The following IGLL1 variants were observed in gnomAD, a reference collection of about 807,000 sequenced individuals.
IGLL1 encodes immunoglobulin lambda-like polypeptide 1.
IGLL1 carries 10 observed loss-of-function variants against 10.5 expected under a neutral mutation model. That is an observed-to-expected ratio of 0.95 (90% CI 0.59 to 1.62). The LOEUF is 1.62. IGLL1 is among the 40% of genes most tolerant of loss of function. The probability of loss-of-function intolerance (pLI) is 0.00; values close to 1 mark genes in which losing one functional copy is unlikely to be tolerated. For missense variants in IGLL1, 284 were observed against 278.7 expected (o/e 1.02, Z -0.14); for synonymous variants, 141 against 122.7 (o/e 1.15, Z -0.99).
At chr22:23,579,456 C>T (rs1925225216) in intron 1 of IGLL1, among the ~76,000 whole-genome samples, 1 of 152,088 alleles carries the variant, frequency 6.6e-6, no homozygotes. Context: ...TTTCAGGAGG[C>T]GATGCTGGCT....
chr22:23,576,427 C>T (rs896034883), intron 1 of IGLL1, among the ~76,000 whole-genome samples: 3 of 149,584 alleles, frequency 2.0e-5, no homozygotes, highest in African/African-American at 7.4e-5. Context: ...TATGTACAGT[C>T]CCATTTCCTT....
At chr22:23,574,939 G>T (rs1924980913) in intron 2 of IGLL1, 28 bp downstream of exon 2, 1 of 1,450,816 alleles carries the variant, frequency 6.9e-7, no homozygotes, top group Non-Finnish European at 9.7e-7. Flanking sequence ...GAGAGGGTGG[G>T]ACAGCCTGGG....
intron 1 of IGLL1, among the ~76,000 whole-genome samples, chr22:23,578,677 C>G (rs150163881): frequency 1.3e-5 from 2 of 152,064 alleles, no homozygotes; most frequent in South Asian, 2.1e-4. Flanking sequence ...AACTCAGGCC[C>G]GGTGTGGTGT....
At chr22:23,578,382 G>A (rs546859811) in intron 1 of IGLL1, among the ~76,000 whole-genome samples, 2 of 152,182 alleles carry the variant, frequency 1.3e-5, no homozygotes, top group South Asian at 2.1e-4. Context: ...CCCGGCCCCC[G>A]CTCCTTGTGG....
intron 1 of IGLL1, among the ~76,000 whole-genome samples, chr22:23,577,426 ACAAC>A (rs1164891997): frequency 6.6e-6 from 1 of 152,150 alleles, no homozygotes; most frequent in Non-Finnish European, 1.5e-5. Context: ...AAAGTGATAC[ACAAC>A]CTATTTCTTA....
rs1427055525 is a variant in IGLL1, at chr22:23,580,071, G to A, written c.120C>T (p.Arg40=). The A allele has an allele frequency of 6.4e-7, 1 of 1,572,824 alleles. No individual in the cohort carries two copies. The highest frequency in any genetic ancestry group is 1.2e-5 in the South Asian group (1 of 85,952). ...CCCTGCTCTGCGATGCAGCTGTTGGGCGCAGCAGGCCATGGGTTACCACGG... is the reference window on the plus strand; with the variant it reads ...CCCTGCTCTGCGATGCAGCTGTTGGACGCAGCAGGCCATGGGTTACCACGG... ...GLAVVTHGLL[R]PTAASQSRAL... Residue 40 remains arginine (R), a synonymous_variant, in exon 1 of 3, where the codon CGC becomes CGT. Transcript: ENST00000330377.
At chr22:23,579,812 A>C (rs1412725300) in intron 1 of IGLL1, among the ~76,000 whole-genome samples, 173 bp downstream of exon 1, 1 of 152,196 alleles carries the variant, frequency 6.6e-6, no homozygotes, top group East Asian at 1.9e-4. Flanking sequence ...TTAAGCAATA[A>C]AAATTAATTC....
chr22:23,578,375 G>A (rs561681581), intron 1 of IGLL1, among the ~76,000 whole-genome samples: 178 of 152,138 alleles, frequency 1.2e-3, no homozygotes, highest in Non-Finnish European at 1.9e-3. Context: ...CTCCTCACCC[G>A]GCCCCCGCTC....
At chr22:23,575,947 A>C (rs62240500) in intron 1 of IGLL1, among the ~76,000 whole-genome samples, 2,514 of 150,894 alleles carry the variant, frequency 0.017, 31 homozygotes, top group South Asian at 0.044. Context: ...GACTCCCCAG[A>C]CCCCACCCAG....
chr22:23,576,142 A>G (rs1246081290), intron 1 of IGLL1, among the ~76,000 whole-genome samples: 2 of 152,072 alleles, frequency 1.3e-5, no homozygotes, highest in African/African-American at 4.8e-5. Context: ...CCCCCAGCCC[A>G]GCTCATTTTC....
At position 23,575,053 on chromosome 22, in the gene IGLL1, C is replaced by T. The variant is rs1330350014; in HGVS notation, c.236G>A (p.Gly79Asp). 1.9e-6 allele frequency: 3 copies of T among 1,613,866 alleles called. No individual in the cohort carries two copies. Among genetic ancestry groups the T allele is most frequent in the Non-Finnish European group, 2.5e-6 (3 of 1,179,878 alleles). Reference sequence around the variant, plus strand: ...AAACCCCCGGGGCCAGCACCTGGGGCCAGTCCAGGAGCCGCGCTGGAGCAG... The same window carrying T: ...AAACCCCCGGGGCCAGCACCTGGGGTCAGTCCAGGAGCCGCGCTGGAGCAG... ...RFLLQRGSWT[G>D]PRCWPRGFQS... The change falls in exon 2 of 3, where the codon GGC (glycine) becomes GAC (aspartate). Residue 79 changes from glycine to aspartate, a missense_variant. Physicochemically the swap from Gly to Asp is moderately conservative, Grantham distance 94 (BLOSUM62 -1). Transcript: ENST00000330377.
Position 23,573,184 on chromosome 22 carries a change from G to A in IGLL1, c.*82C>T, listed in dbSNP as rs182997692. On this transcript the variant is annotated 3_prime_UTR_variant, in exon 3 of 3. Transcript: ENST00000330377. Reference sequence around the variant, plus strand: ...TTACTGGGTACAGGGAGAAGGGCTGGATGGCTTGGGATGCAGAGAGAGACC... The same window carrying A: ...TTACTGGGTACAGGGAGAAGGGCTGAATGGCTTGGGATGCAGAGAGAGACC... 14,108 of 1,329,688 alleles carry A rather than the reference G, an allele frequency of 0.011. 114 individuals are homozygous for A. Among genetic ancestry groups the A allele is most frequent in the Non-Finnish European group, 0.013 (11,939 of 924,050 alleles). The allele number at this position is 1,329,688 out of a possible 1,614,324, so 82.4% of individuals were successfully genotyped here.
chr22:23,574,259 G>T (rs1302532183), intron 2 of IGLL1, among the ~76,000 whole-genome samples: 1 of 152,138 alleles, frequency 6.6e-6, no homozygotes, highest in Non-Finnish European at 1.5e-5. Flanking sequence ...CTCCCCGCTA[G>T]TCACCTTCTG....
rs761551186 is a variant in IGLL1 at position 23,573,363 on chromosome 22, G to A, written c.545C>T (p.Thr182Met). ...KYAASSYLSL[T>M]PEQWRSRRSY... Reference sequence around the variant, plus strand: ...TCTGCGGGACCTCCACTGCTCGGGCGTCAGGCTCAGGTAGCTGCTGGCCGC... The same window carrying A: ...TCTGCGGGACCTCCACTGCTCGGGCATCAGGCTCAGGTAGCTGCTGGCCGC... The change falls in exon 3 of 3, where the codon ACG (threonine) becomes ATG (methionine). Residue 182 changes from threonine (T) to methionine (M), a missense_variant. Thr to Met is a moderately conservative substitution (Grantham distance 81, BLOSUM62 -1). Coordinates refer to ENST00000330377, the MANE Select transcript of IGLL1 (RefSeq NM_020070.4). The A allele has an allele frequency of 2.8e-5, 45 of 1,614,000 alleles. No homozygotes were observed. Among genetic ancestry groups the A allele is most frequent in the Admixed American group, 2.2e-4 (13 of 60,000 alleles).
Position 23,573,547 on chromosome 22 carries a change from G to A in IGLL1, c.361C>T (p.Pro121Ser). 2 of 1,613,918 alleles carry A rather than the reference G, an allele frequency of 1.2e-6. No homozygotes were observed. The highest frequency in any genetic ancestry group is 1.7e-6 in the Non-Finnish European group (2 of 1,179,838). Residue 121 changes from proline to serine, a missense_variant, in exon 3 of 3, where the codon CCG (proline) becomes TCG (serine). Pro to Ser is a moderately conservative substitution (Grantham distance 74, BLOSUM62 -1). Transcript: ENST00000330377. ...TTGGCTTGGAGCTCCTCAGAGGACG[G>A]CGGGAACAGAGTGACCGAGGGGGTG... ...KATPSVTLFP[P>S]SSEELQANKA...
chr22:23,577,433 A>G (rs1191117068), intron 1 of IGLL1, among the ~76,000 whole-genome samples: 2 of 151,862 alleles, frequency 1.3e-5, no homozygotes, highest in Non-Finnish European at 2.9e-5. Context: ...TACACAACCT[A>G]TTTCTTAAAA....
chr22:23,574,283 C>G (rs1270516646), intron 2 of IGLL1, among the ~76,000 whole-genome samples: 5 of 152,186 alleles, frequency 3.3e-5, no homozygotes, highest in Non-Finnish European at 5.9e-5. Flanking sequence ...CTAAGGTGCC[C>G]TTCCTCAAAT....
chr22:23,576,183 G>A (rs905581614), intron 1 of IGLL1, among the ~76,000 whole-genome samples: 31 of 151,812 alleles, frequency 2.0e-4, no homozygotes, highest in Admixed American at 3.3e-4. Flanking sequence ...GACCATGGGC[G>A]GTCTCAACCC....
chr22:23,578,561 C>T lies in IGLL1; in HGVS notation c.206+1424G>A, dbSNP rs190594431. The stretch of plus-strand genomic sequence containing the variant: ...GCCGGGCTCCTGGTGTGGGTCAGGT[C>T]GGCTGCCACTGCTGGAGCTCTCACC... On this transcript the variant is annotated intron_variant, in intron 1 of 2. Transcript: ENST00000330377. 2.4e-3 allele frequency among the ~76,000 whole-genome samples: 364 copies of T among 152,302 alleles called. 1 individual carries two copies. Among genetic ancestry groups the T allele is most frequent in the Non-Finnish European group, 3.6e-3 (242 of 68,022 alleles).
Sources: gnomAD v4.1 joint callset for allele counts (sites outside exome capture counted in the v4.1 genomes callset) on GRCh38, gnomAD v4.1.1 for gene constraint, MANE v1.5 for transcripts, NCBI Gene and HGNC (gene_info 2026-07-23, HGNC 2026-07-21) for gene names.